The following OBSL1 variants were observed in gnomAD, a reference collection of about 807,000 sequenced individuals.
The protein encoded by OBSL1 is obscurin like cytoskeletal adaptor 1, also known as obscurin-like protein 1.
A neutral mutation model predicts 172.0 loss-of-function variants in OBSL1; 160 were observed. The observed-to-expected ratio is 0.93, with a 90% CI of 0.82 to 1.06. The LOEUF (loss-of-function observed/expected upper bound fraction) is 1.06, where lower values mean the gene tolerates loss of function less well. Ranked by LOEUF, OBSL1 falls within the 50% of genes least tolerant of loss-of-function variation. The pLI is 0.00. For synonymous variants in OBSL1, 1,200 were observed against 1,196.3 expected, an observed-to-expected ratio of 1.00 and a Z score of -0.06; for missense variants, 2,681 against 2,715.4, an observed-to-expected ratio of 0.99 and a Z score of 0.28.
At position 219,570,283 on chromosome 2, in the gene OBSL1, TAGAGCCC is replaced by T; in HGVS notation, c.943_949del (p.Gly315ThrfsTer20). On this transcript the variant is annotated frameshift_variant, in exon 1 of 21. Transcript: ENST00000404537. LOFTEE classifies it high-confidence loss of function. Reference sequence around the variant, plus strand: ...CGCCGAGTTGCGCGCGGCGCAGACGTAGAGCCCACGATCCTTGGCCTGGCAGTAAAGC... The same window carrying T: ...CGCCGAGTTGCGCGCGGCGCAGACGTACGATCCTTGGCCTGGCAGTAAAGC... 6.2e-7 allele frequency: 1 copy of T among 1,607,312 alleles called. No homozygotes were observed. Among genetic ancestry groups the T allele is most frequent in the Non-Finnish European group, 8.5e-7 (1 of 1,175,408 alleles).
At chr2:219,564,847 G>A (rs910429536) in intron 6 of OBSL1, among the ~76,000 whole-genome samples, 7 of 152,168 alleles carry the variant, frequency 4.6e-5, no homozygotes, top group African/African-American at 1.4e-4. Context: ...AGGCTGAGGC[G>A]GGCAGATCAT....
rs750505464 is a variant in OBSL1 at position 219,570,271 on chromosome 2, G to C, written c.962C>G (p.Ala321Gly). 39 of 1,600,442 alleles carry C rather than the reference G, an allele frequency of 2.4e-5. No homozygotes were observed. The South Asian group carries it at 4.2e-4, about 17-fold the overall frequency. ...AKDRGLYVCA[A>G]RNSAGQTLSA... The stretch of plus-strand genomic sequence containing the variant: ...GAGCGTCTGGCCCGCCGAGTTGCGC[G>C]CGGCGCAGACGTAGAGCCCACGATC... Residue 321 changes from alanine to glycine, a missense_variant, in exon 1 of 21, where the codon GCG (alanine) becomes GGG (glycine). By Grantham distance (60) the Ala-to-Gly change is moderately conservative. Transcript: ENST00000404537.
chr2:219,567,992 T>G, intron 2 of OBSL1, 23 bp from the exon 3 acceptor site: 1 of 1,610,716 alleles, frequency 6.2e-7, no homozygotes. Flanking sequence ...CAGGAATCCA[T>G]CAACCTGGAA....
At chr2:219,552,816 G>GC in intron 17 of OBSL1, 52 bp downstream of exon 17, 2 of 1,534,072 alleles carry the variant, frequency 1.3e-6, no homozygotes, top group Admixed American at 4.0e-5. Context: ...AGACAGCTCC[G>GC]CAAGTCTCGC....
chr2:219,547,456 C>T, downstream of OBSL1: 1 of 1,381,198 alleles, frequency 7.2e-7, no homozygotes, highest in South Asian at 2.2e-5. Flanking sequence ...CTGCTCCCTC[C>T]AGCCTGGTGC....
downstream of OBSL1, chr2:219,549,604 C>G: frequency 6.6e-7 from 1 of 1,506,648 alleles, no homozygotes; most frequent in Non-Finnish European, 9.0e-7. Context: ...GGGCTGTGGA[C>G]TCTGGGTCTA....
At chr2:219,553,781 T>C in intron 15 of OBSL1, 95 bp from the exon 16 acceptor site, 1 of 743,168 alleles carries the variant, frequency 1.3e-6, no homozygotes, top group Non-Finnish European at 2.2e-6. Context: ...CAACAGGCAG[T>C]AGAGGACACT....
In OBSL1 at chr2:219,552,857, C is replaced by T. The variant is rs1432872239; in HGVS notation, c.5146+11G>A. ...AAGCAGTGCCCAGCCTCCACATCACCCCGTACCCACCGCGCACGGTCAGGC... is the reference window on the plus strand; with the variant it reads ...AAGCAGTGCCCAGCCTCCACATCACTCCGTACCCACCGCGCACGGTCAGGC... On this transcript the variant is annotated intron_variant, in intron 17 of 20. Transcript: ENST00000404537. 20 of 1,543,304 alleles carry T rather than the reference C, an allele frequency of 1.3e-5. No homozygotes were observed. The highest frequency in any genetic ancestry group is 1.5e-5 in the Non-Finnish European group (17 of 1,145,446).
At chr2:219,554,249 G>A in intron 15 of OBSL1, 1 of 597,848 alleles carries the variant, frequency 1.7e-6, no homozygotes, top group South Asian at 2.1e-5. Flanking sequence ...AGAGTCAGTG[G>A]TTGGCTGAGC....
At chr2:219,549,787 A>G (rs1461634820), downstream of OBSL1, 1 of 1,614,126 alleles carries the variant, frequency 6.2e-7, no homozygotes, top group Non-Finnish European at 8.5e-7. Flanking sequence ...TCACCCACAG[A>G]TGCGGACTAT....
At chr2:219,565,968 G>A (rs113069572) in intron 5 of OBSL1, among the ~76,000 whole-genome samples, 23 of 152,246 alleles carry the variant, frequency 1.5e-4, no homozygotes, top group African/African-American at 5.1e-4. Flanking sequence ...AACTTTGAGC[G>A]CCCCACCTCC....
chr2:219,563,519 C>A lies in OBSL1; in HGVS notation c.2516G>T (p.Arg839Leu). 1.9e-6 allele frequency: 3 copies of A among 1,613,966 alleles called. No individual in the cohort carries two copies. Among genetic ancestry groups the A allele is most frequent in the Non-Finnish European group, 2.5e-6 (3 of 1,179,888 alleles). Residue 839 changes from arginine (R) to leucine (L), a missense_variant, in exon 7 of 21, where the codon CGT (arginine) becomes CTT (leucine). This residue lies in a region of OBSL1 where 1,765 missense variants were observed against 1,748.3 expected (regional missense o/e 1.01). Coordinates refer to ENST00000404537, the MANE Select transcript of OBSL1 (RefSeq NM_015311.3). ...CEVDREDAPV[R>L]WYKDGQEVEE... ...CACCTCCTGCCCGTCCTTGTACCAACGCACAGGGGCGTCCTCTCGGTCCAC... is the reference window on the plus strand; with the variant it reads ...CACCTCCTGCCCGTCCTTGTACCAAAGCACAGGGGCGTCCTCTCGGTCCAC...
intron 8 of OBSL1, among the ~76,000 whole-genome samples, chr2:219,560,597 CAG>C (rs1439075655): frequency 4.2e-4 from 59 of 142,108 alleles, no homozygotes; most frequent in Non-Finnish European, 7.4e-4. Context: ...GCTTCCCAAT[CAG>C]GGGCCAGGGT....
chr2:219,557,894 G>A lies in OBSL1; in HGVS notation c.3719C>T (p.Ala1240Val). The change falls in exon 11 of 21, where the codon GCA (alanine) becomes GTA (valine). Residue 1240 changes from alanine to valine, a missense_variant. Coordinates refer to ENST00000404537, the MANE Select transcript of OBSL1 (RefSeq NM_015311.3). ...LCIQAAGPAH[A>V]GLYTCQSGAA... ...TCCAGACTGGCAGGTGTAGAGCCCT[G>A]CATGGGCTGGGCCTGCAGCCTGGAT... is the stretch of plus-strand genomic sequence containing the variant. 1.2e-6 allele frequency: 2 copies of A among 1,602,180 alleles called. No individual in the cohort carries two copies. Among genetic ancestry groups the A allele is most frequent in the Non-Finnish European group, 1.7e-6 (2 of 1,179,708 alleles).
In OBSL1 at chr2:219,568,229, G is replaced by C. The variant is rs201037552; in HGVS notation, c.1108C>G (p.Pro370Ala). 52 of 1,613,388 alleles carry C rather than the reference G, an allele frequency of 3.2e-5. No homozygotes were observed. Among genetic ancestry groups the C allele is most frequent in the Non-Finnish European group, 4.2e-6 (5 of 1,179,830 alleles). Residue 370 changes from proline to alanine, a missense_variant, in exon 2 of 21, where the codon CCC becomes GCC. By Grantham distance (27) the Pro-to-Ala change is conservative. This residue lies in a region of OBSL1 where 706 missense variants were observed against 695.8 expected (regional missense o/e 1.01). Coordinates refer to ENST00000404537, the MANE Select transcript of OBSL1 (RefSeq NM_015311.3). This position sits in a 1 kb window ranked among gnomAD's most constrained non-coding sequence, Gnocchi z 4.1. ...LECKVPNSRI[P>A]TAWFREDQRL... ...TGGTCCTCACGGAACCAGGCCGTGG[G>C]GATGCGGGAGTTGGGTACTTTACAT...
intron 5 of OBSL1, among the ~76,000 whole-genome samples, chr2:219,566,277 G>A (rs886123237): frequency 2.6e-5 from 4 of 152,276 alleles, no homozygotes; most frequent in Non-Finnish European, 4.4e-5. Flanking sequence ...TACTCGGGAG[G>A]CTGAGGCAGG....
rs74914723 is a variant in OBSL1 at position 219,557,173 on chromosome 2, G to A, written c.4066+170C>T. 6.1e-3 allele frequency: 3,794 copies of A among 621,992 alleles called. 95 individuals carry two copies. The African/African-American group carries it at 0.061, about 10-fold the overall frequency. 38.5% of individuals were successfully genotyped at this position (621,992 alleles called of 1,614,324 possible). Reference sequence around the variant, plus strand: ...CACTGGTTTATGCTGCTCTCAACATGAGGGTTTCTGGAAAGAGGAGCCCTG... The same window carrying A: ...CACTGGTTTATGCTGCTCTCAACATAAGGGTTTCTGGAAAGAGGAGCCCTG... On this transcript the variant is annotated intron_variant, in intron 12 of 20. Transcript: ENST00000404537.
intron 5 of OBSL1, 119 bp downstream of exon 5, chr2:219,566,711 G>T: frequency 1.7e-6 from 2 of 1,176,338 alleles, no homozygotes; most frequent in Non-Finnish European, 2.3e-6. Context: ...GCCCATCATG[G>T]ATGCTCCTTG....
chr2:219,551,811 G>A lies in OBSL1; in HGVS notation c.5414-13C>T, dbSNP rs368774630. ...TGGAGAGGCAATGCTGGGGGTAGGG[G>A]GCGGGGGCTTAAGTTAATAGGGACA... On this transcript the variant is annotated splice_polypyrimidine_tract_variant and intron_variant, in intron 19 of 20. Coordinates refer to ENST00000404537, the MANE Select transcript of OBSL1 (RefSeq NM_015311.3). 1 of 1,518,326 alleles carries A rather than the reference G, an allele frequency of 6.6e-7. No homozygotes were observed. Among genetic ancestry groups the A allele is most frequent in the East Asian group, 2.3e-5 (1 of 44,186 alleles). The allele number at this position is 1,518,326 out of a possible 1,614,324, so 94.1% of individuals were successfully genotyped here.
Sources: allele counts gnomAD v4.1 joint callset (sites outside exome capture counted in the v4.1 genomes callset), GRCh38; gene constraint gnomAD v4.1.1; regional missense constraint gnomAD v4.1.1; non-coding constraint Gnocchi (gnomAD v3.1); transcripts MANE v1.5; gene names NCBI Gene and HGNC (gene_info 2026-07-23, HGNC 2026-07-21).